The following GUCY1A2 variants were observed in gnomAD, a reference collection of about 807,000 sequenced individuals.
The protein encoded by GUCY1A2 is guanylate cyclase 1 soluble subunit alpha 2.
A neutral mutation model predicts 63.5 loss-of-function variants in GUCY1A2; 27 were observed. The ratio of observed to expected loss-of-function variants is 0.43; its 90% CI spans 0.31 to 0.59. The LOEUF (loss-of-function observed/expected upper bound fraction) is 0.59. GUCY1A2 is among the 20% of genes least tolerant of loss of function. GUCY1A2 has a pLI of 0.11. For synonymous variants in GUCY1A2, 364 were observed against 343.5 expected, an observed-to-expected ratio of 1.06 and a Z score of -0.66; for missense variants, 768 against 913.3, an observed-to-expected ratio of 0.84 and a Z score of 2.05.
chr11:106,831,093 A>T (rs1403443840), intron 4 of GUCY1A2, among the ~76,000 whole-genome samples: 1 of 152,210 alleles, frequency 6.6e-6, no homozygotes, highest in African/African-American at 2.4e-5. Flanking sequence ...ACCCTTATTC[A>T]GTACAGCATT....
chr11:106,871,975 C>T (rs1224668856), intron 4 of GUCY1A2, among the ~76,000 whole-genome samples: 1 of 152,104 alleles, frequency 6.6e-6, no homozygotes, highest in East Asian at 1.9e-4. Context: ...TTCTATAGTG[C>T]TCTGCTGTAG....
At chr11:106,795,009 G>A (rs771949101) in intron 5 of GUCY1A2, among the ~76,000 whole-genome samples, 4 of 152,014 alleles carry the variant, frequency 2.6e-5, no homozygotes, top group South Asian at 2.1e-4. Context: ...CATATATATC[G>A]TTATTTTGAA....
rs553788715 is a variant in GUCY1A2 at position 106,826,595 on chromosome 11, G to T, written c.1207-16117C>A. 325 of 1,603,304 alleles carry T rather than the reference G, an allele frequency of 2.0e-4. 1 individual carries two copies. The Middle Eastern group carries it at 8.3e-3, about 41-fold the overall frequency. ...TTGGTACATCTCAGCATTAATTCATGATCTGAACCTAAGCCCTGTGCATTG... is the reference window on the plus strand; with the variant it reads ...TTGGTACATCTCAGCATTAATTCATTATCTGAACCTAAGCCCTGTGCATTG... On this transcript the variant is annotated intron_variant, in intron 4 of 7. Coordinates refer to ENST00000526355, the MANE Select transcript of GUCY1A2 (RefSeq NM_000855.3).
chr11:106,861,826 TAAC>T (rs1192385817), intron 4 of GUCY1A2, among the ~76,000 whole-genome samples: 2 of 152,018 alleles, frequency 1.3e-5, no homozygotes, highest in Admixed American at 6.6e-5. Flanking sequence ...TTTATTCCCT[TAAC>T]AACACTTATC....
At chr11:106,758,582 T>C (rs1242292254) in intron 6 of GUCY1A2, among the ~76,000 whole-genome samples, 1 of 152,174 alleles carries the variant, frequency 6.6e-6, no homozygotes, top group Non-Finnish European at 1.5e-5. Flanking sequence ...ATCTTCTGCA[T>C]TGATCTCACT....
chr11:106,700,958 CAG>C (rs1862807738), intron 7 of GUCY1A2, among the ~76,000 whole-genome samples: 1 of 151,970 alleles, frequency 6.6e-6, no homozygotes, highest in Non-Finnish European at 1.5e-5. Context: ...GGAACAGAAG[CAG>C]AGTTTCTAGC....
intron 7 of GUCY1A2, among the ~76,000 whole-genome samples, chr11:106,701,781 A>G (rs571531522): frequency 6.6e-6 from 1 of 152,320 alleles, no homozygotes; most frequent in South Asian, 2.1e-4. Context: ...CAGAGTTTGA[A>G]TGTTCCTCAC....
chr11:107,011,176 G>A (rs1861738535), intron 1 of GUCY1A2, among the ~76,000 whole-genome samples: 1 of 152,184 alleles, frequency 6.6e-6, no homozygotes, highest in African/African-American at 2.4e-5. Flanking sequence ...TCAATAGATA[G>A]CCCTTGCAAA....
rs142875890 is a variant in GUCY1A2, at chr11:106,753,663, T to G, written c.1836+22776A>C. On this transcript the variant is annotated intron_variant, in intron 6 of 7. Coordinates refer to ENST00000526355, the MANE Select transcript of GUCY1A2 (RefSeq NM_000855.3). ...CAGGTTTGTCAAAGATCAGATGATTTTAGATGTGTGGTGTTATTTCTGAGG... is the reference window on the plus strand; with the variant it reads ...CAGGTTTGTCAAAGATCAGATGATTGTAGATGTGTGGTGTTATTTCTGAGG... Among the ~76,000 whole-genome samples, 10 of 152,220 alleles carry G rather than the reference T, an allele frequency of 6.6e-5. No individual in the cohort carries two copies. In the South Asian group the frequency reaches 2.1e-3, roughly 32 times the overall value.
intron 1 of GUCY1A2, among the ~76,000 whole-genome samples, chr11:106,988,774 C>T (rs1861434795): frequency 1.3e-5 from 2 of 152,338 alleles, no homozygotes; most frequent in South Asian, 4.1e-4. Flanking sequence ...CTTCAGCAAT[C>T]CAAGACTGAC....
intron 6 of GUCY1A2, among the ~76,000 whole-genome samples, chr11:106,758,749 A>AT (rs1864016052): frequency 6.6e-6 from 1 of 152,192 alleles, no homozygotes; most frequent in African/African-American, 2.4e-5. Flanking sequence ...GTGGCTTTCC[A>AT]TTATTTTTTG....
chr11:107,005,848 G>C (rs1162932652), intron 1 of GUCY1A2, among the ~76,000 whole-genome samples: 1 of 151,992 alleles, frequency 6.6e-6, no homozygotes, highest in African/African-American at 2.4e-5. Flanking sequence ...CAAAAATGTT[G>C]GAAATATTTC....
At chr11:106,964,159 C>T (rs1480602874) in intron 3 of GUCY1A2, among the ~76,000 whole-genome samples, 1 of 152,166 alleles carries the variant, frequency 6.6e-6, no homozygotes, top group Non-Finnish European at 1.5e-5. Context: ...TGACACAATA[C>T]TATCTTCTAA....
intron 5 of GUCY1A2, among the ~76,000 whole-genome samples, chr11:106,806,788 C>G (rs527882691): frequency 6.6e-6 from 1 of 152,158 alleles, no homozygotes; most frequent in South Asian, 2.1e-4. Flanking sequence ...GATATATGCA[C>G]AGCAAAATCC....
At chr11:106,948,099 A>T (rs2120008435) in intron 3 of GUCY1A2, among the ~76,000 whole-genome samples, 1 of 152,320 alleles carries the variant, frequency 6.6e-6, no homozygotes, top group East Asian at 1.9e-4. Context: ...TAAATGACCA[A>T]AGTTGACTCA....
intron 3 of GUCY1A2, among the ~76,000 whole-genome samples, 196 bp downstream of exon 3, chr11:106,978,423 T>C (rs988035032): frequency 2.6e-5 from 4 of 152,198 alleles, no homozygotes; most frequent in Non-Finnish European, 5.9e-5. Context: ...TGTTTTTCCA[T>C]CTCTAAGTAA....
chr11:106,710,907 A>G (rs901554247), intron 6 of GUCY1A2, among the ~76,000 whole-genome samples: 2 of 152,050 alleles, frequency 1.3e-5, no homozygotes, highest in Non-Finnish European at 2.9e-5. Flanking sequence ...TTGTAAGGAA[A>G]AAAGTCAGTC....
chr11:106,886,161 C>CT (rs1859897980), intron 4 of GUCY1A2, among the ~76,000 whole-genome samples: 1 of 152,116 alleles, frequency 6.6e-6, no homozygotes, highest in African/African-American at 2.4e-5. Flanking sequence ...CCTCTTATAG[C>CT]TAAGCAAGGC....
chr11:106,756,984 C>T (rs1016191020), intron 6 of GUCY1A2, among the ~76,000 whole-genome samples: 22 of 152,278 alleles, frequency 1.4e-4, no homozygotes, highest in Admixed American at 4.6e-4. Context: ...TCAAGTACAC[C>T]GATCAAACGT....
Sources: allele counts gnomAD v4.1 joint callset (sites outside exome capture counted in the v4.1 genomes callset), GRCh38; gene constraint gnomAD v4.1.1; transcripts MANE v1.5; gene names NCBI Gene and HGNC (gene_info 2026-07-23, HGNC 2026-07-21).